The following SLC43A2 variants were observed in gnomAD, a reference collection of about 807,000 sequenced individuals.
SLC43A2 encodes the protein solute carrier family 43 member 2.
A neutral mutation model predicts 63.2 loss-of-function variants in SLC43A2; 38 were observed. That is an observed-to-expected ratio of 0.60 (90% CI 0.46 to 0.79). SLC43A2 has a LOEUF of 0.79. Among genes scored for constraint, SLC43A2 ranks in the 30% least tolerant of loss-of-function variants. The pLI is 0.00. For synonymous variants in SLC43A2, 322 were observed against 331.0 expected (o/e 0.97, Z 0.30); for missense variants, 644 against 756.2 (o/e 0.85, Z 1.74).
chr17:1,583,085 A>T lies in SLC43A2; in HGVS notation c.1350+119T>A, dbSNP rs553087571. On this transcript the variant is annotated intron_variant, in intron 11 of 13. Transcript: ENST00000301335. The surrounding 1 kb of genome is among the most constrained non-coding windows in gnomAD (Gnocchi z 5.5). ...CAGAGTTTGACTCTGTCTCAAAAAA[A>T]TAAAGAAAGTCATCCGCTTTGTTGA... 6 of 1,176,612 alleles carry T rather than the reference A, an allele frequency of 5.1e-6. No homozygotes were observed. The African/African-American group carries it at 6.1e-5, about 12-fold the overall frequency. 72.9% of individuals were successfully genotyped at this position (1,176,612 alleles called of 1,614,324 possible). A position where few individuals can be genotyped will look rare whatever the true frequency, so the allele number is the denominator to read the frequency against.
chr17:1,585,816 C>T, intron 10 of SLC43A2, 97 bp downstream of exon 10: 1 of 1,604,930 alleles, frequency 6.2e-7, no homozygotes, highest in Non-Finnish European at 8.5e-7. Flanking sequence ...ATTGCTCTCT[C>T]CCTCTGTCCC....
intron 5 of SLC43A2, among the ~76,000 whole-genome samples, chr17:1,601,613 C>T (rs971026222): frequency 6.6e-6 from 1 of 151,268 alleles, no homozygotes; most frequent in African/African-American, 2.4e-5. Flanking sequence ...GAGCCAGAGT[C>T]GTGCACTGAG....
rs1408409048 is a variant in SLC43A2, at chr17:1,573,621, T to A, written c.*1983A>T. ...GAGTGGGCATGTTTATCTCGTTCTC[T>A]TTTTTTTTTTCTTTTTGAGACGGAG... On this transcript the variant is annotated 3_prime_UTR_variant, in exon 14 of 14. Transcript: ENST00000301335. 6.8e-6 allele frequency: 1 copy of A among 147,886 alleles called. No homozygotes were observed. The highest frequency in any genetic ancestry group is 6.8e-5 in the Admixed American group (1 of 14,792). 9.2% of individuals were successfully genotyped at this position (147,886 alleles called of 1,614,324 possible).
At chr17:1,611,283 G>C (rs1052732000) in intron 5 of SLC43A2, among the ~76,000 whole-genome samples, 4 of 152,112 alleles carry the variant, frequency 2.6e-5, no homozygotes, top group African/African-American at 7.2e-5. Context: ...CAGAGGCGTC[G>C]CGTGACTAAA....
chr17:1,613,604 C>T (rs1204631964), intron 4 of SLC43A2, among the ~76,000 whole-genome samples: 1 of 152,176 alleles, frequency 6.6e-6, no homozygotes, highest in Non-Finnish European at 1.5e-5. Context: ...AGGCATGCGC[C>T]ACCACACCCG....
intron 1 of SLC43A2, among the ~76,000 whole-genome samples, chr17:1,628,567 C>T (rs921864231): frequency 6.6e-6 from 1 of 152,180 alleles, no homozygotes; most frequent in African/African-American, 2.4e-5. Context: ...GAGCCAGCCG[C>T]GCGACCCCCA....
chr17:1,606,592 G>C lies in SLC43A2; in HGVS notation c.501+6603C>G, dbSNP rs933592671. Among the ~76,000 whole-genome samples, 8 of 152,190 alleles carry C rather than the reference G, an allele frequency of 5.3e-5. No homozygotes were observed. Among genetic ancestry groups the C allele is most frequent in the Admixed American group, 5.2e-4 (8 of 15,278 alleles). On this transcript the variant is annotated intron_variant, in intron 5 of 13. Transcript: ENST00000301335. This position sits in a 1 kb window ranked among gnomAD's most constrained non-coding sequence, Gnocchi z 4.7. ...CATCTCTAAGCAACCCAGGCTCCGG[G>C]TTGGAGGGTGGCGACCCCAAGATGC... is the stretch of plus-strand genomic sequence containing the variant.
chr17:1,591,580 C>A lies in SLC43A2; in HGVS notation c.714G>T (p.Glu238Asp). Residue 238 changes from glutamate to aspartate, a missense_variant, in exon 7 of 14, where the codon GAG (glutamate) becomes GAT (aspartate). Glu to Asp is a conservative substitution (Grantham distance 45). Coordinates refer to ENST00000301335, the MANE Select transcript of SLC43A2 (RefSeq NM_152346.3). Reference protein sequence around the residue: ...NWPLEPFPGPEDMDYSVKIKF... With the variant: ...NWPLEPFPGPDDMDYSVKIKF... ...CCTCTACTTACGAGTAGTCCATGTC[C>A]TCCGGCCCCGGGAAGGGCTCAAGGG... 6.4e-7 allele frequency: 1 copy of A among 1,550,602 alleles called. No individual in the cohort carries two copies. The highest frequency in any genetic ancestry group is 8.7e-7 in the Non-Finnish European group (1 of 1,147,746).
chr17:1,622,108 G>A (rs1393489595), intron 2 of SLC43A2, among the ~76,000 whole-genome samples: 1 of 152,206 alleles, frequency 6.6e-6, no homozygotes, highest in Admixed American at 6.5e-5. Context: ...GCGGTGGGAA[G>A]AGCCAAGGCC....
At position 1,616,420 on chromosome 17, in the gene SLC43A2, G is replaced by A. The variant is rs555870405; in HGVS notation, c.368+142C>T. ...TACCTGCTGATTCGGTGGCGGACGG[G>A]GTAGGAACTCCATTCTGGAGGGCCT... On this transcript the variant is annotated intron_variant, in intron 3 of 13. Transcript: ENST00000301335. 1.1e-4 allele frequency: 84 copies of A among 773,816 alleles called. 4 individuals are homozygous for A. In the South Asian group the frequency reaches 1.5e-3, roughly 14 times the overall value. 47.9% of individuals were successfully genotyped at this position (773,816 alleles called of 1,614,324 possible).
intron 2 of SLC43A2, among the ~76,000 whole-genome samples, chr17:1,619,747 C>T (rs11656606): frequency 3.3e-5 from 5 of 152,322 alleles, no homozygotes; most frequent in African/African-American, 9.6e-5. Context: ...AGGGTCTCTA[C>T]AAAGCAACAG....
chr17:1,594,695 C>T (rs1450711575), intron 5 of SLC43A2, among the ~76,000 whole-genome samples: 1 of 148,262 alleles, frequency 6.7e-6, no homozygotes, highest in Non-Finnish European at 1.5e-5. Context: ...TCACGCCATT[C>T]TCCTGCCTCA....
At chr17:1,627,673 C>T in intron 2 of SLC43A2, 42 bp downstream of exon 2, 2 of 1,287,530 alleles carry the variant, frequency 1.6e-6, no homozygotes, top group East Asian at 3.0e-5. Context: ...TCCCAAAGCC[C>T]CAGCTCCAGG....
rs572330673 is a variant in SLC43A2, at chr17:1,576,209, G to A, written c.1548+388C>T. Among the ~76,000 whole-genome samples the A allele has an allele frequency of 2.0e-5, 3 of 149,746 alleles. No homozygotes were observed. In the South Asian group the frequency reaches 6.4e-4, roughly 32 times the overall value. On this transcript the variant is annotated intron_variant, in intron 13 of 13. Coordinates refer to ENST00000301335, the MANE Select transcript of SLC43A2 (RefSeq NM_152346.3). The stretch of plus-strand genomic sequence containing the variant: ...AGTGATTCTCCTGTCTCAGCCTCCC[G>A]AGTATCTGGGATTACAGGCACCTGC...
rs2075871619 is a variant in SLC43A2 at position 1,573,175 on chromosome 17, T to TAAAAAA, written c.*2428_*2429insTTTTTT. The TAAAAAA allele has an allele frequency of 7.4e-5, 1 of 13,544 alleles. No homozygotes were observed. The highest frequency in any genetic ancestry group is 6.0e-4 in the African/African-American group (1 of 1,678). The allele number at this position is 13,544 out of a possible 1,614,324, so 0.8% of individuals were successfully genotyped here. A position where few individuals can be genotyped will look rare whatever the true frequency, so the allele number is the denominator to read the frequency against. ...CTGGATGGCAGAGCAAGACCCCAAC[T>TAAAAAA]CAAAAAAAAAAAAAAAAAAAAAAAG... On this transcript the variant is annotated 3_prime_UTR_variant, in exon 14 of 14. Transcript: ENST00000301335.
In SLC43A2 at chr17:1,606,000, C is replaced by T. The variant is rs1906580099; in HGVS notation, c.501+7195G>A. ...TTCATGAGGCAGAACCCTCAGATGG[C>T]AAATTCTCCCCAAACCAATGGCAAG... On this transcript the variant is annotated intron_variant, in intron 5 of 13. Transcript: ENST00000301335. This position sits in a 1 kb window ranked among gnomAD's most constrained non-coding sequence, Gnocchi z 4.9. Among the ~76,000 whole-genome samples the T allele has an allele frequency of 6.6e-6, 1 of 152,178 alleles. No homozygotes were observed. Among genetic ancestry groups the T allele is most frequent in the African/African-American group, 2.4e-5 (1 of 41,442 alleles).
At chr17:1,627,656 C>CCCCCCCCCCCCAAA in intron 2 of SLC43A2, 59 bp downstream of exon 2, 1 of 689,914 alleles carries the variant, frequency 1.4e-6, no homozygotes, top group Non-Finnish European at 2.2e-6. Flanking sequence ...GCCCCCATCC[C>CCCCCCCCCCCCAAA]GCCCCCTCCC....
Position 1,575,367 on chromosome 17 carries a change from G to T in SLC43A2, c.*237C>A. On this transcript the variant is annotated 3_prime_UTR_variant, in exon 14 of 14. Coordinates refer to ENST00000301335, the MANE Select transcript of SLC43A2 (RefSeq NM_152346.3). ...AGAGACCCCAGGCCCCGGGTCCCCG[G>T]GGGGCGGCAGAGCAAAGTCAGGGCA... is the stretch of plus-strand genomic sequence containing the variant. 1 of 569,120 alleles carries T rather than the reference G, an allele frequency of 1.8e-6. No individual in the cohort carries two copies. The highest frequency in any genetic ancestry group is 3.1e-6 in the Non-Finnish European group (1 of 325,912). 35.3% of individuals were successfully genotyped at this position (569,120 alleles called of 1,614,324 possible).
In SLC43A2 at chr17:1,575,372, C is replaced by T. The variant is rs900651800; in HGVS notation, c.*232G>A. The stretch of plus-strand genomic sequence containing the variant: ...CCCCAGGCCCCGGGTCCCCGGGGGG[C>T]GGCAGAGCAAAGTCAGGGCAGCCCC... On this transcript the variant is annotated 3_prime_UTR_variant, in exon 14 of 14. Transcript: ENST00000301335. The T allele has an allele frequency of 3.5e-5, 20 of 575,300 alleles. No homozygotes were observed. Among genetic ancestry groups the T allele is most frequent in the East Asian group, 6.5e-5 (2 of 30,982 alleles). 35.6% of individuals were successfully genotyped at this position (575,300 alleles called of 1,614,324 possible).
Sources: gnomAD v4.1 joint callset for allele counts (sites outside exome capture counted in the v4.1 genomes callset) on GRCh38, gnomAD v4.1.1 for gene constraint, Gnocchi (gnomAD v3.1) non-coding constraint, MANE v1.5 for transcripts, NCBI Gene and HGNC (gene_info 2026-07-23, HGNC 2026-07-21) for gene names.